RIMS1: variants seen among roughly 807,000 people sequenced by gnomAD.
RIMS1 encodes the protein regulating synaptic membrane exocytosis 1.
RIMS1 carries 83 observed loss-of-function variants against 214.1 expected under a neutral mutation model. The ratio of observed to expected loss-of-function variants is 0.39; its 90% CI spans 0.32 to 0.47. RIMS1 has a LOEUF of 0.47. Among genes scored for constraint, RIMS1 ranks in the 20% least tolerant of loss-of-function variants. The pLI is 0.99. For missense variants in RIMS1, 2,050 were observed against 2,161.8 expected (o/e 0.95, Z 1.03); for synonymous variants, 793 against 786.8 (o/e 1.01, Z -0.13).
chr6:72,101,852 T>C (rs1391392876), intron 4 of RIMS1, among the ~76,000 whole-genome samples: 2 of 151,972 alleles, frequency 1.3e-5, no homozygotes, highest in Admixed American at 6.6e-5. Flanking sequence ...GCCTAAATCA[T>C]ATCTAATAAT....
intron 2 of RIMS1, among the ~76,000 whole-genome samples, chr6:72,031,443 G>A (rs1818078999): frequency 6.6e-6 from 1 of 152,098 alleles, no homozygotes; most frequent in African/African-American, 2.4e-5. Flanking sequence ...TAATTTGCTA[G>A]TGATTCCAAA....
At chr6:72,242,675 T>C (rs1334073126) in intron 10 of RIMS1, among the ~76,000 whole-genome samples, 1 of 151,886 alleles carries the variant, frequency 6.6e-6, no homozygotes, top group Non-Finnish European at 1.5e-5. Flanking sequence ...AAAATATCAA[T>C]ATGTACTTTT....
intron 4 of RIMS1, among the ~76,000 whole-genome samples, chr6:72,134,431 AT>A (rs1257893013): frequency 2.0e-5 from 3 of 152,044 alleles, no homozygotes; most frequent in African/African-American, 7.2e-5. Flanking sequence ...AGAATTTCAG[AT>A]TTTAATACAC....
chr6:71,942,564 G>A (rs566061744), intron 1 of RIMS1, among the ~76,000 whole-genome samples: 3 of 151,942 alleles, frequency 2.0e-5, no homozygotes, highest in Non-Finnish European at 2.9e-5. Flanking sequence ...TTTATGCTAC[G>A]TTTAATTGTA....
At chr6:71,942,868 G>A (rs1786584754) in intron 1 of RIMS1, among the ~76,000 whole-genome samples, 1 of 151,930 alleles carries the variant, frequency 6.6e-6, no homozygotes, top group Non-Finnish European at 1.5e-5. Context: ...CTACTTTTAA[G>A]TGAAAAATGT....
chr6:72,146,399 C>T (rs1477537737), intron 4 of RIMS1, among the ~76,000 whole-genome samples: 1 of 152,136 alleles, frequency 6.6e-6, no homozygotes, highest in Non-Finnish European at 1.5e-5. Flanking sequence ...TTCATCCTTG[C>T]ATTACTCTAC....
At chr6:72,183,237 C>A in intron 6 of RIMS1, 88 bp downstream of exon 6, 1 of 1,352,072 alleles carries the variant, frequency 7.4e-7, no homozygotes, top group Non-Finnish European at 1.0e-6. Flanking sequence ...TTGCTGGGTT[C>A]AGCATTGAGG....
chr6:72,400,309 A>T (rs557930849), intron 33 of RIMS1, among the ~76,000 whole-genome samples, 187 bp from the exon 34 acceptor site: 1 of 152,184 alleles, frequency 6.6e-6, no homozygotes, highest in African/African-American at 2.4e-5. Flanking sequence ...ATTATTGTGA[A>T]GTGTCTATGA....
intron 1 of RIMS1, among the ~76,000 whole-genome samples, chr6:71,958,334 T>C (rs533570444): frequency 6.6e-6 from 1 of 152,136 alleles, no homozygotes; most frequent in South Asian, 2.1e-4. Context: ...ATATTTCCAA[T>C]GTAGACATTT....
At chr6:72,379,045 T>A (rs2098441974) in intron 29 of RIMS1, among the ~76,000 whole-genome samples, 1 of 152,230 alleles carries the variant, frequency 6.6e-6, no homozygotes, top group Admixed American at 6.5e-5. Flanking sequence ...TGTAGAGGAC[T>A]AAAATGTTCT....
intron 27 of RIMS1, among the ~76,000 whole-genome samples, chr6:72,313,155 A>G (rs1358253574): frequency 6.6e-6 from 1 of 152,206 alleles, no homozygotes; most frequent in Non-Finnish European, 1.5e-5. Flanking sequence ...TAAAATGGAC[A>G]AGAATGAAAA....
intron 2 of RIMS1, among the ~76,000 whole-genome samples, chr6:72,026,261 T>G (rs1171948802): frequency 6.6e-6 from 1 of 152,190 alleles, no homozygotes; most frequent in Non-Finnish European, 1.5e-5. Flanking sequence ...AGCACAGATG[T>G]TGAATCTGAT....
intron 6 of RIMS1, among the ~76,000 whole-genome samples, chr6:72,217,927 T>G (rs2056876239): frequency 1.3e-5 from 2 of 152,162 alleles, no homozygotes; most frequent in Non-Finnish European, 2.9e-5. Flanking sequence ...TGGCCCTTGT[T>G]TCCCTTCTGC....
chr6:72,248,271 G>A, intron 12 of RIMS1, 144 bp downstream of exon 12: 1 of 524,226 alleles, frequency 1.9e-6, no homozygotes, highest in Non-Finnish European at 3.4e-6. Context: ...AGTTTTTCAT[G>A]CATTTTTTAT....
At chr6:72,247,963 A>T (rs2071016832) in intron 11 of RIMS1, 52 bp from the exon 12 acceptor site, 1 of 1,213,566 alleles carries the variant, frequency 8.2e-7, no homozygotes, top group Non-Finnish European at 1.2e-6. Context: ...ACATTTTATT[A>T]AAAATATTTC....
At chr6:71,979,163 A>G (rs1240987551) in intron 2 of RIMS1, among the ~76,000 whole-genome samples, 1 of 152,042 alleles carries the variant, frequency 6.6e-6, no homozygotes, top group Non-Finnish European at 1.5e-5. Context: ...TATTAAAAGC[A>G]TTTAGTTCTG....
chr6:72,276,235 A>G (rs1282794200), intron 23 of RIMS1, among the ~76,000 whole-genome samples: 1 of 152,244 alleles, frequency 6.6e-6, no homozygotes, highest in Non-Finnish European at 1.5e-5. Context: ...CAAGAAAAGA[A>G]AAAAAGAAAA....
At chr6:72,343,641 C>CT (rs1449119098) in intron 29 of RIMS1, among the ~76,000 whole-genome samples, 10 of 150,052 alleles carry the variant, frequency 6.7e-5, no homozygotes, top group African/African-American at 2.5e-4. Flanking sequence ...CTCTAAATGG[C>CT]TTTTTATTTT....
intron 2 of RIMS1, among the ~76,000 whole-genome samples, chr6:72,024,401 G>A (rs766764918): frequency 4.6e-5 from 7 of 152,076 alleles, no homozygotes; most frequent in Non-Finnish European, 8.8e-5. Context: ...CTCTTCATTT[G>A]TGAAATGGAG....
Sources: allele counts gnomAD v4.1 joint callset (sites outside exome capture counted in the v4.1 genomes callset), GRCh38; gene constraint gnomAD v4.1.1; transcripts MANE v1.5; gene names NCBI Gene and HGNC (gene_info 2026-07-23, HGNC 2026-07-21).